Variants in LDB3 observed in about 807,000 individuals in gnomAD.
LDB3 encodes LIM domain-binding protein 3.
Under a neutral mutation model 69.0 loss-of-function variants are expected in LDB3, and 49 were observed. The observed-to-expected ratio is 0.71, with a 90% CI of 0.56 to 0.90. The LOEUF is 0.90. Among genes scored for constraint, LDB3 ranks in the 40% least tolerant of loss-of-function variants. LDB3 has a pLI of 0.00. For missense variants in LDB3, 928 were observed against 974.1 expected, an observed-to-expected ratio of 0.95 and a Z score of 0.63; for synonymous variants, 387 against 396.2, an observed-to-expected ratio of 0.98 and a Z score of 0.28.
chr10:86,673,111 C>T (rs1844578421), intron 2 of LDB3, among the ~76,000 whole-genome samples: 1 of 152,248 alleles, frequency 6.6e-6, no homozygotes, highest in South Asian at 2.1e-4. Flanking sequence ...GCCCAGGAAC[C>T]ATCCTTGGAC....
intron 8 of LDB3, among the ~76,000 whole-genome samples, chr10:86,708,717 T>C (rs1048187866): frequency 6.6e-6 from 1 of 152,220 alleles, no homozygotes; most frequent in Non-Finnish European, 1.5e-5. Context: ...ACAGGGCAAG[T>C]GTGCACAGCC....
At chr10:86,670,731 G>A (rs939769710) in intron 2 of LDB3, among the ~76,000 whole-genome samples, 3 of 152,224 alleles carry the variant, frequency 2.0e-5, no homozygotes, top group South Asian at 2.1e-4. Context: ...CCCGAAGCTC[G>A]GGCAGGGCAC....
intron 7 of LDB3, among the ~76,000 whole-genome samples, chr10:86,694,650 AC>A (rs1845922648): frequency 6.6e-6 from 1 of 152,140 alleles, no homozygotes; most frequent in Non-Finnish European, 1.5e-5. Context: ...CACCCATGTC[AC>A]TGAATCCCAA....
chr10:86,686,326 G>A (rs1001588509), intron 5 of LDB3, among the ~76,000 whole-genome samples: 8 of 152,202 alleles, frequency 5.3e-5, no homozygotes, highest in Non-Finnish European at 1.0e-4. Context: ...CAGTGGAGCC[G>A]CTTTTCACCT....
chr10:86,700,245 G>A (rs892512266), intron 7 of LDB3, among the ~76,000 whole-genome samples: 1 of 152,096 alleles, frequency 6.6e-6, no homozygotes, highest in Non-Finnish European at 1.5e-5. Context: ...AACCCACGGC[G>A]GGAGGATGGC....
At chr10:86,680,018 C>T in intron 3 of LDB3, 64 bp from the exon 4 acceptor site, 1 of 1,442,292 alleles carries the variant, frequency 6.9e-7, no homozygotes, top group Non-Finnish European at 9.8e-7. Flanking sequence ...CCAGCCCTGC[C>T]CAGGCAGGAG....
intron 7 of LDB3, among the ~76,000 whole-genome samples, chr10:86,697,215 C>CTTTTTTTTTTTTTTTT (rs34215720): frequency 1.3e-5 from 1 of 77,782 alleles, no homozygotes; most frequent in Non-Finnish European, 2.3e-5. Context: ...TAGCAATTCA[C>CTTTTTTTTTTTTTTTT]TTTTTTTTTT....
intron 8 of LDB3, among the ~76,000 whole-genome samples, chr10:86,708,264 G>C (rs1201435689): frequency 6.6e-6 from 1 of 152,236 alleles, no homozygotes; most frequent in African/African-American, 2.4e-5. Context: ...AGCGGGGAGT[G>C]GGGCTGGAGC....
rs568213475 is a variant in LDB3, at chr10:86,704,528, G to C, written c.897-2003G>C. On this transcript the variant is annotated intron_variant, in intron 7 of 13. Coordinates refer to ENST00000361373, the MANE Select transcript of LDB3 (RefSeq NM_007078.3). ...TCTGCCTCCCGGGTTCAAGGGTTCAGCCCCCCGAGTAGCTGGGATTACAGG... is the reference window on the plus strand; with the variant it reads ...TCTGCCTCCCGGGTTCAAGGGTTCACCCCCCCGAGTAGCTGGGATTACAGG... Among the ~76,000 whole-genome samples, 738 of 150,392 alleles carry C rather than the reference G, an allele frequency of 4.9e-3. 2 individuals are homozygous for C. Among genetic ancestry groups the C allele is most frequent in the African/African-American group, 0.017 (695 of 40,738 alleles).
At chr10:86,698,446 G>A (rs1846103582) in intron 7 of LDB3, among the ~76,000 whole-genome samples, 1 of 152,218 alleles carries the variant, frequency 6.6e-6, no homozygotes, top group African/African-American at 2.4e-5. Context: ...CTTCCAGCCT[G>A]GAAGGCCTGG....
intron 9 of LDB3, chr10:86,710,427 T>C (rs563854451): frequency 1.0e-5 from 2 of 199,416 alleles, no homozygotes; most frequent in East Asian, 1.9e-4. Flanking sequence ...CCATCTCTAC[T>C]AAAGATTCAA....
chr10:86,668,354 G>C (rs1292080498), upstream of LDB3: 8 of 399,900 alleles, frequency 2.0e-5, no homozygotes, highest in Admixed American at 1.4e-4. Flanking sequence ...GGGGGGTGCT[G>C]GGTGCCGGAC....
chr10:86,677,275 C>T (rs1844847742), intron 2 of LDB3, among the ~76,000 whole-genome samples: 1 of 152,134 alleles, frequency 6.6e-6, no homozygotes. Context: ...TTAGCAGGGG[C>T]CAGCCCATTC....
intron 2 of LDB3, among the ~76,000 whole-genome samples, chr10:86,675,098 G>C (rs1844717264): frequency 6.6e-6 from 1 of 152,186 alleles, no homozygotes; most frequent in African/African-American, 2.4e-5. Context: ...CACTGGGCAG[G>C]GGATCCAGCT....
intron 2 of LDB3, among the ~76,000 whole-genome samples, chr10:86,674,864 C>T (rs1844696847): frequency 1.3e-5 from 2 of 152,108 alleles, no homozygotes; most frequent in South Asian, 4.1e-4. Context: ...TGAGGGTGCC[C>T]CCCTCCAACC....
intron 2 of LDB3, among the ~76,000 whole-genome samples, chr10:86,672,311 C>A (rs559771650): frequency 9.2e-4 from 140 of 152,234 alleles, no homozygotes; most frequent in Non-Finnish European, 1.6e-3. Context: ...CTCAGCCACC[C>A]CGCCTGCAGG....
chr10:86,666,857 TC>T (rs34106786), upstream of LDB3: 81,850 of 470,186 alleles, frequency 0.17, 8,534 homozygotes, highest in East Asian at 0.48. Flanking sequence ...AGGTACAGCC[TC>T]CCCCAGCTCC....
At chr10:86,731,743 C>T (rs544588293) in intron 13 of LDB3, among the ~76,000 whole-genome samples, 3 of 152,170 alleles carry the variant, frequency 2.0e-5, no homozygotes, top group South Asian at 4.2e-4. Context: ...TCAACATGGC[C>T]AGATTCCCTA....
chr10:86,667,058 C>T (rs1221365894), upstream of LDB3, among the ~76,000 whole-genome samples: 1 of 152,132 alleles, frequency 6.6e-6, no homozygotes. Context: ...CCATGGACTG[C>T]TGGCCTCCTG....
Sources: allele counts gnomAD v4.1 joint callset (sites outside exome capture counted in the v4.1 genomes callset), GRCh38; gene constraint gnomAD v4.1.1; transcripts MANE v1.5; gene names NCBI Gene and HGNC (gene_info 2026-07-23, HGNC 2026-07-21).